Variants in SGIP1 observed in about 807,000 individuals in gnomAD.
SGIP1 encodes SH3-containing GRB2-like protein 3-interacting protein 1.
In SGIP1, 38 loss-of-function variants were observed where a neutral mutation model predicts 107.5. The observed-to-expected ratio is 0.35, with a 90% CI of 0.27 to 0.46. The LOEUF is 0.46. Ranked by LOEUF, SGIP1 falls within the 20% of genes least tolerant of loss-of-function variation. The probability of loss-of-function intolerance (pLI) is 1.00; values close to 1 mark genes in which losing one functional copy is unlikely to be tolerated. For synonymous variants in SGIP1, 365 were observed against 366.1 expected (o/e 1.00, Z 0.03); for missense variants, 929 against 1,019.5 (o/e 0.91, Z 1.21).
At chr1:66,670,708 A>C (rs564656352) in intron 9 of SGIP1, among the ~76,000 whole-genome samples, 1 of 152,256 alleles carries the variant, frequency 6.6e-6, no homozygotes, top group African/African-American at 2.4e-5. Flanking sequence ...TTAATGGACT[A>C]ATCAATATTT....
chr1:66,672,132 A>G, intron 11 of SGIP1, 137 bp downstream of exon 11: 1 of 747,936 alleles, frequency 1.3e-6, no homozygotes, highest in Non-Finnish European at 2.3e-6. Context: ...ATATGTCCAC[A>G]GCATGGTCCA....
intron 20 of SGIP1, among the ~76,000 whole-genome samples, chr1:66,731,913 A>T (rs1235826892): frequency 1.3e-5 from 2 of 152,200 alleles, no homozygotes; most frequent in Non-Finnish European, 2.9e-5. Flanking sequence ...CTTGTAAAAA[A>T]TATGCGGGAA....
intron 12 of SGIP1, 63 bp downstream of exon 12, chr1:66,673,429 T>A: frequency 7.2e-7 from 1 of 1,380,516 alleles, no homozygotes; most frequent in Admixed American, 2.4e-5. Context: ...ACAACTCTTC[T>A]AGATTAAATG....
intron 24 of SGIP1, among the ~76,000 whole-genome samples, chr1:66,742,172 C>T (rs188782328): frequency 5.5e-4 from 84 of 152,196 alleles, no homozygotes; most frequent in Admixed American, 1.7e-3. Context: ...ATCTATTTTT[C>T]ACTTTAATAA....
intron 7 of SGIP1, among the ~76,000 whole-genome samples, chr1:66,648,285 C>A (rs1202724495): frequency 6.6e-6 from 1 of 152,170 alleles, no homozygotes; most frequent in African/African-American, 2.4e-5. Context: ...GCAAGGAAAC[C>A]TTCTGAAGAA....
At chr1:66,711,430 C>A (rs17129371) in intron 18 of SGIP1, among the ~76,000 whole-genome samples, 2 of 152,144 alleles carry the variant, frequency 1.3e-5, no homozygotes, top group Non-Finnish European at 2.9e-5. Flanking sequence ...TTCCAACATT[C>A]TTTCCCTTTG....
intron 1 of SGIP1, among the ~76,000 whole-genome samples, chr1:66,585,749 C>G (rs2062518177): frequency 6.6e-6 from 1 of 152,016 alleles, no homozygotes; most frequent in South Asian, 2.1e-4. Flanking sequence ...CTTGGCCTCC[C>G]AAAGTGCTGA....
At chr1:66,606,315 A>G (rs1487691099) in intron 1 of SGIP1, among the ~76,000 whole-genome samples, 2 of 152,366 alleles carry the variant, frequency 1.3e-5, no homozygotes, top group African/African-American at 4.8e-5. Context: ...ATTGTATTAA[A>G]TAATTAGCAC....
At chr1:66,594,707 G>A (rs1488796820) in intron 1 of SGIP1, among the ~76,000 whole-genome samples, 1 of 152,154 alleles carries the variant, frequency 6.6e-6, no homozygotes, top group African/African-American at 2.4e-5. Flanking sequence ...CAAGGAGAAA[G>A]AGCGGCAGTG....
intron 1 of SGIP1, among the ~76,000 whole-genome samples, chr1:66,580,311 T>C (rs1433192905): frequency 2.6e-5 from 4 of 152,182 alleles, no homozygotes; most frequent in African/African-American, 4.8e-5. Flanking sequence ...TGCTGTTTCC[T>C]GTACCTTTAA....
Position 66,733,719 on chromosome 1 carries a change from C to T in SGIP1, c.1899-29C>T, listed in dbSNP as rs756757335. The T allele has an allele frequency of 6.2e-6, 10 of 1,603,814 alleles. No homozygotes were observed. In the Admixed American group the frequency reaches 8.5e-5, roughly 14 times the overall value. ...GGTTTATATTTGTTTTAAGATGCTA[C>T]TCAATCATTTTTCTTCCCAAATGAA... On this transcript the variant is annotated intron_variant, in intron 20 of 24. Transcript: ENST00000371037.
Position 66,729,426 on chromosome 1 carries a change from A to G in SGIP1, c.1898+7A>G. Reference sequence around the variant, plus strand: ...ACCCCCAACTTCTCTGCTGGTAAATATGATTTTGCATAAATTTTTCAGAGA... The same window carrying G: ...ACCCCCAACTTCTCTGCTGGTAAATGTGATTTTGCATAAATTTTTCAGAGA... On this transcript the variant is annotated splice_region_variant and intron_variant, in intron 20 of 24. Transcript: ENST00000371037. 1.9e-6 allele frequency: 3 copies of G among 1,614,018 alleles called. No individual in the cohort carries two copies. The highest frequency in any genetic ancestry group is 2.5e-6 in the Non-Finnish European group (3 of 1,179,932).
At chr1:66,719,007 G>A (rs988195754) in intron 18 of SGIP1, among the ~76,000 whole-genome samples, 1 of 152,172 alleles carries the variant, frequency 6.6e-6, no homozygotes, top group East Asian at 1.9e-4. Context: ...TATGTTTTAT[G>A]AGAAACATTT....
At chr1:66,596,607 GC>G (rs1411161471) in intron 1 of SGIP1, among the ~76,000 whole-genome samples, 1 of 151,344 alleles carries the variant, frequency 6.6e-6, no homozygotes, top group Non-Finnish European at 1.5e-5. Flanking sequence ...TAACTTTCAG[GC>G]TTTAAACTGT....
intron 24 of SGIP1, among the ~76,000 whole-genome samples, chr1:66,741,775 T>C (rs542738724): frequency 6.6e-6 from 1 of 151,994 alleles, no homozygotes; most frequent in Non-Finnish European, 1.5e-5. Flanking sequence ...TTATTTATTT[T>C]TTTTTTTGGT....
chr1:66,608,568 TG>T, intron 1 of SGIP1, among the ~76,000 whole-genome samples: 2 of 152,340 alleles, frequency 1.3e-5, no homozygotes, highest in African/African-American at 4.8e-5. Context: ...TACCAGACAC[TG>T]TTGTTCTGCT....
At chr1:66,630,847 GAA>G (rs1491204366) in intron 2 of SGIP1, among the ~76,000 whole-genome samples, 186 of 17,222 alleles carry the variant, frequency 0.011, 2 homozygotes, top group East Asian at 0.091. Flanking sequence ...AAGAAAGAAA[GAA>G]AGAAAGAAAG....
At chr1:66,576,646 AATCT>A (rs1468321670) in intron 1 of SGIP1, among the ~76,000 whole-genome samples, 9 of 152,224 alleles carry the variant, frequency 5.9e-5, no homozygotes, top group Non-Finnish European at 1.0e-4. Flanking sequence ...TTACTCCAGA[AATCT>A]ATCTGTTTAA....
chr1:66,706,577 G>A (rs1036148278), intron 18 of SGIP1, among the ~76,000 whole-genome samples: 3 of 151,248 alleles, frequency 2.0e-5, no homozygotes, highest in African/African-American at 7.2e-5. Flanking sequence ...AAGGAAAAAT[G>A]TAGAAATCTC....
Sources: allele counts gnomAD v4.1 joint callset (sites outside exome capture counted in the v4.1 genomes callset), GRCh38; gene constraint gnomAD v4.1.1; transcripts MANE v1.5; gene names NCBI Gene and HGNC (gene_info 2026-07-23, HGNC 2026-07-21).